The following CDYL variants were observed in gnomAD, a reference collection of about 807,000 sequenced individuals.
CDYL encodes the protein chromodomain Y like.
CDYL carries 8 observed loss-of-function variants against 47.3 expected under a neutral mutation model. The observed-to-expected ratio is 0.17, with a 90% CI of 0.10 to 0.31. CDYL has a LOEUF of 0.31. Among genes scored for constraint, CDYL ranks in the 10% least tolerant of loss-of-function variants. The pLI, the probability that CDYL is intolerant of heterozygous loss-of-function variation, is 1.00. For missense variants in CDYL, 471 were observed against 701.4 expected, an observed-to-expected ratio of 0.67 and a Z score of 3.71; for synonymous variants, 266 against 265.0, an observed-to-expected ratio of 1.00 and a Z score of -0.04.
At chr6:4,927,243 T>G (rs899298690) in intron 2 of CDYL, among the ~76,000 whole-genome samples, 1 of 152,234 alleles carries the variant, frequency 6.6e-6, no homozygotes, top group Non-Finnish European at 1.5e-5. Context: ...CAGGGGTTGA[T>G]TGCCACATCT....
chr6:4,870,120 A>C (rs1235996642), intron 1 of CDYL, among the ~76,000 whole-genome samples: 2 of 152,034 alleles, frequency 1.3e-5, no homozygotes, highest in Non-Finnish European at 2.9e-5. Flanking sequence ...GCTGGAGTGC[A>C]GTGGTGTGAT....
At chr6:4,723,479 G>A (rs60781204) in intron 2 of CDYL, among the ~76,000 whole-genome samples, 2 of 152,050 alleles carry the variant, frequency 1.3e-5, no homozygotes, top group Non-Finnish European at 2.9e-5. Flanking sequence ...GGCATAGTTA[G>A]AGAAAACAAT....
chr6:4,769,107 G>A lies in CDYL; in HGVS notation c.186+34263G>A, dbSNP rs1045822202. On this transcript the variant is annotated intron_variant, in intron 3 of 8. Coordinates refer to the CDYL transcript ENST00000328908. ...GGAGAACTATTAATAGAGGTAATGCGGCGTCACAGATGGGATCCCGGGGCA... is the reference window on the plus strand; with the variant it reads ...GGAGAACTATTAATAGAGGTAATGCAGCGTCACAGATGGGATCCCGGGGCA... 2.0e-5 allele frequency among the ~76,000 whole-genome samples: 3 copies of A among 152,082 alleles called. No individual in the cohort carries two copies. The East Asian group carries it at 5.8e-4, about 29-fold the overall frequency.
At chr6:4,826,174 A>T (rs1282674424) in intron 1 of CDYL, among the ~76,000 whole-genome samples, 2 of 152,186 alleles carry the variant, frequency 1.3e-5, no homozygotes, top group African/African-American at 2.4e-5. Flanking sequence ...TATTTACCTT[A>T]TGAGCAGGTG....
chr6:4,850,474 ATTAC>A (rs145882553), intron 1 of CDYL, among the ~76,000 whole-genome samples: 3,345 of 152,264 alleles, frequency 0.022, 132 homozygotes, highest in African/African-American at 0.077. Context: ...TTATTTTCCT[ATTAC>A]TTACTCTTGG....
chr6:4,911,187 A>C (rs1260021667), intron 2 of CDYL, among the ~76,000 whole-genome samples: 1 of 152,214 alleles, frequency 6.6e-6, no homozygotes, highest in Non-Finnish European at 1.5e-5. Flanking sequence ...TTCTGTTTTT[A>C]AATCCAAGCG....
chr6:4,743,513 C>T (rs1159840391), intron 3 of CDYL, among the ~76,000 whole-genome samples: 1 of 152,200 alleles, frequency 6.6e-6, no homozygotes, highest in Admixed American at 6.5e-5. Flanking sequence ...CTTACCCCTT[C>T]CCCCAGCCAC....
At chr6:4,803,415 C>T (rs1759280834) in intron 1 of CDYL, among the ~76,000 whole-genome samples, 1 of 152,202 alleles carries the variant, frequency 6.6e-6, no homozygotes, top group Non-Finnish European at 1.5e-5. Context: ...TTTTGCACCT[C>T]CTCTGCTGTC....
At position 4,753,287 on chromosome 6, in the gene CDYL, C is replaced by T. The variant is rs1758026267; in HGVS notation, c.186+18443C>T. ...TCAAAGGAGTCAAGTGGTAACAAGA[C>T]AAGAGCTCCCTTAGAGGTGCTCACC... On this transcript the variant is annotated intron_variant, in intron 3 of 8. Coordinates refer to the CDYL transcript ENST00000328908. 2.0e-5 allele frequency among the ~76,000 whole-genome samples: 3 copies of T among 152,104 alleles called. No homozygotes were observed. The South Asian group carries it at 6.2e-4, about 31-fold the overall frequency.
rs1762067226 is a variant in CDYL, at chr6:4,892,202, G to A, written c.514G>A (p.Gly172Ser). 6.2e-7 allele frequency: 1 copy of A among 1,614,106 alleles called. No individual in the cohort carries two copies. ...SPEKLDPVEQ[G>S]QEDTVAPEVA... Reference sequence around the variant, plus strand: ...TGAGAAACTGGACCCCGTCGAGCAGGGTCAGGAGGACACAGTGGCACCCGA... The same window carrying A: ...TGAGAAACTGGACCCCGTCGAGCAGAGTCAGGAGGACACAGTGGCACCCGA... Residue 172 changes from glycine to serine, a missense_variant, in exon 2 of 7, where the codon GGT (glycine) becomes AGT (serine). Around this residue, in one of 3 missense-constraint regions of CDYL, gnomAD observed 311 missense variants for 350.0 expected, o/e 0.89. Transcript: ENST00000397588.
At chr6:4,756,580 ATGTGTGTG>A (rs4053260) in intron 3 of CDYL, among the ~76,000 whole-genome samples, 1 of 142,810 alleles carries the variant, frequency 7.0e-6, no homozygotes, top group East Asian at 2.1e-4. Flanking sequence ...TATCGTGTGT[ATGTGTGTG>A]TGTGTGTGTG....
At chr6:4,935,817 C>T (rs1758174960) in intron 3 of CDYL, 46 bp downstream of exon 3, 2 of 1,605,784 alleles carry the variant, frequency 1.2e-6, no homozygotes, top group East Asian at 4.5e-5. Flanking sequence ...CTTCTCCCTG[C>T]CTGATTTCCA....
intron 1 of CDYL, among the ~76,000 whole-genome samples, chr6:4,852,603 CTCCTTCCT>C (rs113583831): frequency 1.6e-5 from 2 of 122,908 alleles, no homozygotes; most frequent in African/African-American, 8.9e-5. Flanking sequence ...TCCTTCCTTC[CTCCTTCCT>C]TCCTTCCTTC....
At chr6:4,851,584 C>T (rs80030510) in intron 1 of CDYL, among the ~76,000 whole-genome samples, 3,838 of 152,196 alleles carry the variant, frequency 0.025, 56 homozygotes, top group Middle Eastern at 0.071. Context: ...TTTGCTCGGC[C>T]GTTTGTGAGG....
intron 1 of CDYL, among the ~76,000 whole-genome samples, chr6:4,826,542 G>A (rs574944632): frequency 1.1e-3 from 168 of 152,086 alleles, no homozygotes; most frequent in African/African-American, 2.5e-3. Context: ...CTTTTTCTGT[G>A]TTGTGATTTT....
At chr6:4,788,078 C>T (rs970535136) in intron 1 of CDYL, among the ~76,000 whole-genome samples, 1 of 151,700 alleles carries the variant, frequency 6.6e-6, no homozygotes, top group Non-Finnish European at 1.5e-5. Context: ...GGTCGAAATT[C>T]GAGTCTTATA....
intron 5 of CDYL, among the ~76,000 whole-genome samples, chr6:4,951,301 C>A (rs1229540981): frequency 6.6e-6 from 1 of 151,992 alleles, no homozygotes; most frequent in African/African-American, 2.4e-5. Flanking sequence ...AACGACAGAC[C>A]AAAAATTGTC....
chr6:4,778,745 GGTCA>G, intron 1 of CDYL, among the ~76,000 whole-genome samples: 1 of 152,314 alleles, frequency 6.6e-6, no homozygotes, highest in East Asian at 1.9e-4. Context: ...AATATGTAGT[GGTCA>G]GTATCTTTCA....
chr6:4,852,338 C>CCTTCCTTCCTTCCAAT (rs1760854965), intron 1 of CDYL, among the ~76,000 whole-genome samples: 1 of 151,212 alleles, frequency 6.6e-6, no homozygotes, highest in East Asian at 2.0e-4. Flanking sequence ...TTCCTTCCCT[C>CCTTCCTTCCTTCCAAT]CTTCCTTCCT....
Sources: gnomAD v4.1 joint callset for allele counts (sites outside exome capture counted in the v4.1 genomes callset) on GRCh38, gnomAD v4.1.1 for gene constraint, gnomAD v4.1.1 regional missense constraint, MANE v1.5 for transcripts, NCBI Gene and HGNC (gene_info 2026-07-23, HGNC 2026-07-21) for gene names.